The following SPTB variants were observed in gnomAD, a reference collection of about 807,000 sequenced individuals.
SPTB encodes spectrin beta, erythrocytic.
Under a neutral mutation model 256.2 loss-of-function variants are expected in SPTB, and 45 were observed. The observed-to-expected ratio is 0.18, with a 90% CI of 0.14 to 0.23. The LOEUF (loss-of-function observed/expected upper bound fraction) is 0.23. Among genes scored for constraint, SPTB ranks in the 10% least tolerant of loss-of-function variants. The pLI is 1.00. For missense variants in SPTB, 2,715 were observed against 3,040.4 expected (o/e 0.89, Z 2.52); for synonymous variants, 1,231 against 1,243.1 (o/e 0.99, Z 0.21).
At position 64,759,306 on chromosome 14, in the gene SPTB, C is replaced by G. The variant is rs574571264; in HGVS notation, c.6346-5513G>C. Among the ~76,000 whole-genome samples the G allele has an allele frequency of 8.5e-5, 13 of 152,326 alleles. No individual in the cohort carries two copies. The highest frequency in any genetic ancestry group is 3.1e-4 in the African/African-American group (13 of 41,572). ...CACCCATGACCCCCTGGCTGCGAAC[C>G]TGCAGTGGGAGGCCTGTGGCCCTGT... On this transcript the variant is annotated intron_variant, in intron 32 of 35. Coordinates refer to ENST00000644917, the MANE Select transcript of SPTB (RefSeq NM_001355436.2). The surrounding 1 kb of genome is among the most constrained non-coding windows in gnomAD (Gnocchi z 4.8).
At position 64,866,333 on chromosome 14, in the gene SPTB, C is replaced by T. The variant is rs1179960672; in HGVS notation, c.-52+13459G>A. On this transcript the variant is annotated intron_variant, in intron 1 of 35. Coordinates refer to ENST00000644917, the MANE Select transcript of SPTB (RefSeq NM_001355436.2). This position sits in a 1 kb window ranked among gnomAD's most constrained non-coding sequence, Gnocchi z 4.6. ...TGGCCTCAGGACACCCGTAAGAGCT[C>T]AATGGGGTCTTCAGTTGTCTTGGCC... 6.6e-6 allele frequency among the ~76,000 whole-genome samples: 1 copy of T among 152,176 alleles called. No individual in the cohort carries two copies. Among genetic ancestry groups the T allele is most frequent in the Non-Finnish European group, 1.5e-5 (1 of 68,036 alleles).
At position 64,853,538 on chromosome 14, in the gene SPTB, C is replaced by T. The variant is rs1166550958; in HGVS notation, c.-52+26254G>A. ...CAGGGAGAACAGTTTCAGTAGGGCA[C>T]GGGGACAAGAACCCATGGCAGCAGG... On this transcript the variant is annotated intron_variant, in intron 1 of 35. Transcript: ENST00000644917. The surrounding 1 kb of genome is among the most constrained non-coding windows in gnomAD (Gnocchi z 4.3). Among the ~76,000 whole-genome samples, 8 of 152,098 alleles carry T rather than the reference C, an allele frequency of 5.3e-5. No individual in the cohort carries two copies. Among genetic ancestry groups the T allele is most frequent in the Non-Finnish European group, 1.5e-5 (1 of 68,036 alleles).
chr14:64,768,748 G>T (rs1014052736), intron 29 of SPTB, among the ~76,000 whole-genome samples: 1 of 151,450 alleles, frequency 6.6e-6, no homozygotes, highest in Non-Finnish European at 1.5e-5. Context: ...CCATAGCTCT[G>T]CAGGCATACC....
chr14:64,752,239 C>T, intron 33 of SPTB: 4 of 1,348,106 alleles, frequency 3.0e-6, no homozygotes, highest in Non-Finnish European at 3.9e-6. Flanking sequence ...TGCATTTCTA[C>T]AGCAACAGAC....
rs181233173 is a variant in SPTB at position 64,842,617 on chromosome 14, G to A, written c.-51-19472C>T. Among the ~76,000 whole-genome samples, 5 of 152,284 alleles carry A rather than the reference G, an allele frequency of 3.3e-5. No homozygotes were observed. The East Asian group carries it at 9.6e-4, about 29-fold the overall frequency. ...TAATGTATTTAAAGTCCTTAATAGCGTGTCAGACACGGAGTATACAGGCTC... is the reference window on the plus strand; with the variant it reads ...TAATGTATTTAAAGTCCTTAATAGCATGTCAGACACGGAGTATACAGGCTC... On this transcript the variant is annotated intron_variant, in intron 1 of 35. Transcript: ENST00000644917.
Position 64,800,805 on chromosome 14 carries a change from T to A in SPTB, c.827A>T (p.Tyr276Phe), listed in dbSNP as rs759127935. 1 of 1,614,202 alleles carries A rather than the reference T, an allele frequency of 6.2e-7. No individual in the cohort carries two copies. Among genetic ancestry groups the A allele is most frequent in the Non-Finnish European group, 8.5e-7 (1 of 1,180,036 alleles). ...TGCCAGCACCTTCATCTTGGAGAAG[T>A]AGTGGTAAAAGGCCACCACATAGGT... ...IITYVVAFYHYFSKMKVLAVE... is the reference protein window; with the variant it reads ...IITYVVAFYHFFSKMKVLAVE... The change falls in exon 8 of 36, where the codon TAC becomes TTC. Residue 276 changes from tyrosine (Y) to phenylalanine (F), a missense_variant. Tyr to Phe is a conservative substitution (Grantham distance 22). This residue lies in a region of SPTB where 416 missense variants were observed against 571.1 expected (regional missense o/e 0.73). Coordinates refer to ENST00000644917, the MANE Select transcript of SPTB (RefSeq NM_001355436.2).
At position 64,796,613 on chromosome 14, in the gene SPTB, G is replaced by T. The variant is rs775276485; in HGVS notation, c.1285C>A (p.Arg429=). 15 of 1,614,188 alleles carry T rather than the reference G, an allele frequency of 9.3e-6. No individual in the cohort carries two copies. The highest frequency in any genetic ancestry group is 1.2e-5 in the Non-Finnish European group (14 of 1,180,038). ...KLEQLARRFD[R]KAAMRETWLS... is the part of the protein sequence containing the mutation. ...CAGGTCTCTCTCATTGCGGCCTTCC[G>T]GTCAAAGCGCCGGGCCAGTTGCTCT... The change falls in exon 11 of 36, where the codon CGG becomes AGG. Residue 429 remains arginine (R), a synonymous_variant. Coordinates refer to ENST00000644917, the MANE Select transcript of SPTB (RefSeq NM_001355436.2). The surrounding 1 kb of genome is among the most constrained non-coding windows in gnomAD (Gnocchi z 4.1).
intron 32 of SPTB, among the ~76,000 whole-genome samples, chr14:64,761,504 G>A (rs368438805): frequency 1.3e-4 from 20 of 152,168 alleles, no homozygotes; most frequent in African/African-American, 4.3e-4. Flanking sequence ...GAGCAGTCCA[G>A]TGCAACACTG....
intron 1 of SPTB, among the ~76,000 whole-genome samples, chr14:64,850,695 C>T (rs989661260): frequency 1.3e-5 from 2 of 152,198 alleles, no homozygotes; most frequent in African/African-American, 2.4e-5. Flanking sequence ...TACTTGTCAT[C>T]GTGAAAATGG....
intron 33 of SPTB, chr14:64,752,110 AC>A: frequency 8.4e-7 from 1 of 1,186,954 alleles, no homozygotes; most frequent in African/African-American, 1.6e-5. Flanking sequence ...ACAAAACAAA[AC>A]AAAACACAAA....
chr14:64,864,380 T>C (rs1882031758), intron 1 of SPTB, among the ~76,000 whole-genome samples: 1 of 152,008 alleles, frequency 6.6e-6, no homozygotes, highest in Admixed American at 6.6e-5. Flanking sequence ...GCCCAGGAGT[T>C]CAGGGATGCA....
At chr14:64,835,635 C>T (rs563913041) in intron 1 of SPTB, among the ~76,000 whole-genome samples, 1 of 152,316 alleles carries the variant, frequency 6.6e-6, no homozygotes, top group Non-Finnish European at 1.5e-5. Context: ...GTGCTGGGCT[C>T]TGCTGACAGG....
intron 32 of SPTB, chr14:64,766,296 G>C: frequency 1.3e-5 from 10 of 796,834 alleles, no homozygotes; most frequent in Non-Finnish European, 1.7e-5. Flanking sequence ...GTGGGCATGT[G>C]CCTGTGTGTA....
chr14:64,749,672 G>A lies in SPTB; in HGVS notation c.6801C>T (p.Leu2267=), dbSNP rs1357283124. 1 of 1,613,838 alleles carries A rather than the reference G, an allele frequency of 6.2e-7. No homozygotes were observed. The highest frequency in any genetic ancestry group is 1.3e-5 in the African/African-American group (1 of 75,042). ...KLRLSNGSEW[L]FHGKDEEEML... The stretch of plus-strand genomic sequence containing the variant: ...CGCTTACCTCATCCTTGCCATGGAA[G>A]AGCCACTCGCTGCCATTACTCAGCC... Residue 2267 remains leucine, a synonymous_variant, in exon 35 of 36, where the codon CTC becomes CTT. Transcript: ENST00000644917. The surrounding 1 kb of genome is among the most constrained non-coding windows in gnomAD (Gnocchi z 4.7).
chr14:64,769,146 A>G lies in SPTB; in HGVS notation c.5938-28T>C, dbSNP rs375323431. On this transcript the variant is annotated intron_variant, in intron 28 of 35. Transcript: ENST00000644917. ...ATGGGGAGGAAAGGGAGAAAAGCTC[A>G]GGCTTGGCTCACCCTTCACCATCTG... The G allele has an allele frequency of 4.4e-6, 7 of 1,606,118 alleles. No individual in the cohort carries two copies. The African/African-American group carries it at 5.3e-5, about 12-fold the overall frequency.
chr14:64,763,476 C>T (rs1307478382), intron 32 of SPTB, among the ~76,000 whole-genome samples: 1 of 152,260 alleles, frequency 6.6e-6, no homozygotes, highest in Non-Finnish European at 1.5e-5. Flanking sequence ...CAGCACTAAG[C>T]ACCAGGCAAG....
In SPTB at chr14:64,774,216, C is replaced by T. The variant is rs553611733; in HGVS notation, c.4973+181G>A. Among the ~76,000 whole-genome samples, 60 of 152,314 alleles carry T rather than the reference C, an allele frequency of 3.9e-4. 1 individual carries two copies. In the South Asian group the frequency reaches 0.012, roughly 30 times the overall value. On this transcript the variant is annotated intron_variant, in intron 24 of 35. Transcript: ENST00000644917. The stretch of plus-strand genomic sequence containing the variant: ...CTCGATGGCCCAGCTGGAAGTGATT[C>T]ACACAAAACCAAGGCATAAAATGAA...
chr14:64,820,571 G>A (rs1018813685), intron 2 of SPTB, among the ~76,000 whole-genome samples: 7 of 152,204 alleles, frequency 4.6e-5, no homozygotes. Flanking sequence ...TCCTCTCCCT[G>A]GGGGGCATTC....
rs1341643528 is a variant in SPTB, at chr14:64,879,836, C to A, written c.-96G>T. On this transcript the variant is annotated 5_prime_UTR_variant, in exon 1 of 36. Coordinates refer to ENST00000644917, the MANE Select transcript of SPTB (RefSeq NM_001355436.2). ...GGGGCCACCCCGAGCCCGGGGGTGG[C>A]GGCGGCGGCGGCGCAGGGGGAGGAG... The A allele has an allele frequency of 1.3e-5, 2 of 152,202 alleles. No homozygotes were observed. Among genetic ancestry groups the A allele is most frequent in the African/African-American group, 2.4e-5 (1 of 41,076 alleles). 9.4% of individuals were successfully genotyped at this position (152,202 alleles called of 1,614,324 possible).
Sources: gnomAD v4.1 joint callset for allele counts (sites outside exome capture counted in the v4.1 genomes callset) on GRCh38, gnomAD v4.1.1 for gene constraint, gnomAD v4.1.1 regional missense constraint, Gnocchi (gnomAD v3.1) non-coding constraint, MANE v1.5 for transcripts, NCBI Gene and HGNC (gene_info 2026-07-23, HGNC 2026-07-21) for gene names.